The following SCTR variants were observed in gnomAD, a reference collection of about 807,000 sequenced individuals.
SCTR encodes secretin receptor, also known as pancreatic secretin receptor.
Under a neutral mutation model 60.8 loss-of-function variants are expected in SCTR, and 56 were observed. The ratio of observed to expected loss-of-function variants is 0.92; its 90% CI spans 0.74 to 1.15. The LOEUF (loss-of-function observed/expected upper bound fraction) is 1.15. SCTR is among the 50% of genes most tolerant of loss of function. The pLI is 0.00. For synonymous variants in SCTR, 202 were observed against 217.0 expected (o/e 0.93, Z 0.61); for missense variants, 562 against 550.4 (o/e 1.02, Z -0.21).
At chr2:119,496,572 G>A (rs936579536) in intron 1 of SCTR, among the ~76,000 whole-genome samples, 1 of 152,180 alleles carries the variant, frequency 6.6e-6, no homozygotes, top group Non-Finnish European at 1.5e-5. Flanking sequence ...TCTGAAAAGT[G>A]GAAGAAGAAG....
chr2:119,509,596 C>A (rs1678867835), intron 1 of SCTR, among the ~76,000 whole-genome samples: 1 of 152,166 alleles, frequency 6.6e-6, no homozygotes, highest in African/African-American at 2.4e-5. Context: ...GAAACAGCAA[C>A]AATGGAGGAT....
At chr2:119,523,238 T>C (rs1679340279) in intron 1 of SCTR, among the ~76,000 whole-genome samples, 1 of 151,674 alleles carries the variant, frequency 6.6e-6, no homozygotes. Flanking sequence ...TTCTGGAATC[T>C]GGCCCCCACC....
intron 2 of SCTR, among the ~76,000 whole-genome samples, chr2:119,482,966 C>A (rs1677698805): frequency 6.6e-6 from 1 of 152,258 alleles, no homozygotes; most frequent in South Asian, 2.1e-4. Context: ...GCATTGGAAG[C>A]AGCTGGGGCA....
At chr2:119,462,066 C>T (rs1305236657) in intron 6 of SCTR, 66 bp from the exon 7 acceptor site, 38 of 1,493,770 alleles carry the variant, frequency 2.5e-5, no homozygotes, top group Non-Finnish European at 3.3e-5. Context: ...TGAGTGGCCC[C>T]AAAGGGAGCA....
intron 2 of SCTR, 35 bp downstream of exon 2, chr2:119,494,393 C>T (rs752237761): frequency 1.9e-6 from 3 of 1,608,744 alleles, no homozygotes; most frequent in Admixed American, 3.3e-5. Context: ...TGCTCCACCC[C>T]CAAGAGAGGA....
intron 3 of SCTR, among the ~76,000 whole-genome samples, chr2:119,475,316 G>A (rs1177481973): frequency 6.6e-5 from 10 of 152,300 alleles, no homozygotes; most frequent in African/African-American, 1.4e-4. Context: ...ATAAGACAGC[G>A]CGTGCCTAGA....
chr2:119,454,652 G>A (rs1031601978), intron 7 of SCTR, among the ~76,000 whole-genome samples: 3 of 152,130 alleles, frequency 2.0e-5, no homozygotes, highest in Non-Finnish European at 4.4e-5. Context: ...TCAGGAGTTC[G>A]AGACCAGCCT....
intron 1 of SCTR, among the ~76,000 whole-genome samples, chr2:119,504,212 T>G (rs557495755): frequency 6.6e-6 from 1 of 152,290 alleles, no homozygotes; most frequent in South Asian, 2.1e-4. Flanking sequence ...CTGTAGACAA[T>G]AAAATGAACC....
intron 4 of SCTR, 101 bp from the exon 5 acceptor site, chr2:119,465,987 T>C: frequency 1.3e-6 from 1 of 758,164 alleles, no homozygotes; most frequent in Non-Finnish European, 2.3e-6. Flanking sequence ...CCACCGACGC[T>C]GCTATTCTGT....
chr2:119,489,585 G>A (rs368907454), intron 2 of SCTR, among the ~76,000 whole-genome samples: 2 of 152,170 alleles, frequency 1.3e-5, no homozygotes, highest in South Asian at 2.1e-4. Context: ...TGCAGGAGTC[G>A]GGGTAACTCG....
At chr2:119,442,523 G>A (rs755053892) in intron 11 of SCTR, among the ~76,000 whole-genome samples, 3 of 152,210 alleles carry the variant, frequency 2.0e-5, no homozygotes, top group Non-Finnish European at 2.9e-5. Context: ...AAGGAACCTC[G>A]AAGGGTGATG....
intron 1 of SCTR, among the ~76,000 whole-genome samples, chr2:119,519,763 G>A (rs1279660261): frequency 3.1e-5 from 4 of 127,816 alleles, no homozygotes; most frequent in African/African-American, 8.9e-5. Context: ...CCAAGATCTC[G>A]CCACTGCACT....
intron 4 of SCTR, among the ~76,000 whole-genome samples, chr2:119,468,716 A>C (rs1478749029): frequency 6.6e-6 from 1 of 152,230 alleles, no homozygotes; most frequent in African/African-American, 2.4e-5. Flanking sequence ...TGCTGTGGGC[A>C]GCTGGCCACG....
intron 10 of SCTR, among the ~76,000 whole-genome samples, chr2:119,447,660 C>T (rs1019498226): frequency 3.3e-5 from 5 of 152,206 alleles, no homozygotes; most frequent in Admixed American, 1.3e-4. Context: ...CAACCTCTGC[C>T]TCCCAGGTTC....
At chr2:119,451,575 C>T (rs969152278) in intron 9 of SCTR, among the ~76,000 whole-genome samples, 1 of 152,190 alleles carries the variant, frequency 6.6e-6, no homozygotes, top group Admixed American at 6.5e-5. Flanking sequence ...ACCATGACCC[C>T]ACTGAGCTTC....
intron 1 of SCTR, among the ~76,000 whole-genome samples, chr2:119,496,539 A>G (rs1173471231): frequency 2.0e-5 from 3 of 152,226 alleles, no homozygotes; most frequent in East Asian, 1.9e-4. Context: ...TGGACATTAT[A>G]TACAAAACAA....
chr2:119,513,886 T>C (rs1475491993), intron 1 of SCTR, among the ~76,000 whole-genome samples: 1 of 152,228 alleles, frequency 6.6e-6, no homozygotes, highest in African/African-American at 2.4e-5. Flanking sequence ...ATTGCTTTTC[T>C]GGGTAAATTC....
chr2:119,511,239 T>C (rs1678921625), intron 1 of SCTR, among the ~76,000 whole-genome samples: 1 of 152,052 alleles, frequency 6.6e-6, no homozygotes, highest in African/African-American at 2.4e-5. Flanking sequence ...ATTCTTTTAC[T>C]GTTGTTATTT....
chr2:119,518,903 G>A (rs1476761655), intron 1 of SCTR, among the ~76,000 whole-genome samples: 1 of 152,170 alleles, frequency 6.6e-6, no homozygotes, highest in Non-Finnish European at 1.5e-5. Context: ...TGGGGATCAT[G>A]AGGACAGGGT....
Sources: allele counts gnomAD v4.1 joint callset (sites outside exome capture counted in the v4.1 genomes callset), GRCh38; gene constraint gnomAD v4.1.1; transcripts MANE v1.5; gene names NCBI Gene and HGNC (gene_info 2026-07-23, HGNC 2026-07-21).